The following KAT7 variants were observed in gnomAD, a reference collection of about 807,000 sequenced individuals.
The protein encoded by KAT7 is lysine acetyltransferase 7.
KAT7 carries 10 observed loss-of-function variants against 82.1 expected under a neutral mutation model. That is an observed-to-expected ratio of 0.12 (90% CI 0.08 to 0.21). KAT7 has a LOEUF of 0.21. KAT7 is among the 10% of genes least tolerant of loss of function. KAT7 has a pLI of 1.00. For missense variants in KAT7, 378 were observed against 760.9 expected, an observed-to-expected ratio of 0.50 and a Z score of 5.92; for synonymous variants, 250 against 262.5, an observed-to-expected ratio of 0.95 and a Z score of 0.46.
chr17:49,833,731 A>G lies in KAT7; in HGVS notation c.*6229A>G, dbSNP rs772623025. 6.6e-6 allele frequency: 1 copy of G among 152,280 alleles called. No individual in the cohort carries two copies. Among genetic ancestry groups the G allele is most frequent in the Non-Finnish European group, 1.5e-5 (1 of 68,066 alleles). The allele number at this position is 152,280 out of a possible 1,614,324, so 9.4% of individuals were successfully genotyped here. A position where few individuals can be genotyped will look rare whatever the true frequency, so the allele number is the denominator to read the frequency against. ...CAGACTCCCAGCTGAACGCACCCTC[A>G]TGAGTGGCCCTTGCTGGTACCACAT... On this transcript the variant is annotated 3_prime_UTR_variant, in exon 15 of 15. Coordinates refer to ENST00000259021, the MANE Select transcript of KAT7 (RefSeq NM_007067.5).
intron 9 of KAT7, among the ~76,000 whole-genome samples, chr17:49,819,035 C>A (rs749377573): frequency 2.6e-5 from 4 of 152,172 alleles, no homozygotes; most frequent in Non-Finnish European, 5.9e-5. Context: ...CTGTGCCCAG[C>A]CCTTGTTCTC....
At position 49,798,578 on chromosome 17, in the gene KAT7, A is replaced by G. The variant is rs1321200483; in HGVS notation, c.580+20A>G. The G allele has an allele frequency of 2.5e-6, 4 of 1,580,062 alleles. No homozygotes were observed. Among genetic ancestry groups the G allele is most frequent in the South Asian group, 2.3e-5 (2 of 87,660 alleles). ...CTCTAGGTCAGTGTGCCCTAGCTTC[A>G]TGACATCCTTTGTTCTGTGGTTCTC... On this transcript the variant is annotated intron_variant, in intron 4 of 14. Transcript: ENST00000259021.
chr17:49,806,535 A>G (rs559774751), intron 5 of KAT7, among the ~76,000 whole-genome samples: 75 of 152,194 alleles, frequency 4.9e-4, no homozygotes, highest in Non-Finnish European at 1.0e-3. Context: ...AGCTGTGCCC[A>G]CATCTATGTC....
chr17:49,811,411 C>T, intron 6 of KAT7, 65 bp from the exon 7 acceptor site: 2 of 840,834 alleles, frequency 2.4e-6, no homozygotes, highest in Non-Finnish European at 3.7e-6. Context: ...CGGGCCTTGG[C>T]ACTTTCATTT....
chr17:49,798,555 C>A lies in KAT7; in HGVS notation c.577C>A (p.Leu193Ile), dbSNP rs778569627. The A allele has an allele frequency of 6.2e-7, 1 of 1,602,430 alleles. No homozygotes were observed. Among genetic ancestry groups the A allele is most frequent in the Non-Finnish European group, 8.5e-7 (1 of 1,170,866 alleles). ...GTGTCCTACACCAGGCTGTAACTCT[C>A]TAGGTCAGTGTGCCCTAGCTTCATG... ...MKCPTPGCNSLGHLTGKHERH... is the reference protein window; with the variant it reads ...MKCPTPGCNSIGHLTGKHERH... The change falls in exon 4 of 15, where the codon CTA becomes ATA. Residue 193 changes from leucine (L) to isoleucine (I), a missense_variant. Physicochemically the swap from Leu to Ile is conservative, Grantham distance 5. Around this residue, in one of 6 missense-constraint regions of KAT7, gnomAD observed 14 missense variants for 58.2 expected, o/e 0.24. Transcript: ENST00000259021.
At chr17:49,802,286 A>G (rs191738056) in intron 4 of KAT7, among the ~76,000 whole-genome samples, 74 of 152,324 alleles carry the variant, frequency 4.9e-4, no homozygotes, top group Non-Finnish European at 1.9e-4. Flanking sequence ...TTTTAGGTCA[A>G]TAGATCAGCT....
rs1422324755 is a variant in KAT7, at chr17:49,821,918, T to G, written c.1386+128T>G. On this transcript the variant is annotated intron_variant, in intron 11 of 14. Coordinates refer to ENST00000259021, the MANE Select transcript of KAT7 (RefSeq NM_007067.5). ...CAATGATGACACCCCTTCCTTAAAT[T>G]AAAAAAAAAAAAAAGGCAAACCCAT... The G allele has an allele frequency of 1.1e-5, 7 of 634,186 alleles. No individual in the cohort carries two copies. In the East Asian group the frequency reaches 2.1e-4, roughly 19 times the overall value. The allele number at this position is 634,186 out of a possible 1,614,324, so 39.3% of individuals were successfully genotyped here. A position where few individuals can be genotyped will look rare whatever the true frequency, so the allele number is the denominator to read the frequency against.
In KAT7 at chr17:49,796,997, G is replaced by C. The variant is rs191629861; in HGVS notation, c.340+71G>C. The C allele has an allele frequency of 2.2e-3, 2,851 of 1,317,482 alleles. 16 individuals are homozygous for C. The highest frequency in any genetic ancestry group is 2.1e-3 in the Non-Finnish European group (1,978 of 924,524). The allele number at this position is 1,317,482 out of a possible 1,614,324, so 81.6% of individuals were successfully genotyped here. On this transcript the variant is annotated intron_variant, in intron 3 of 14. Transcript: ENST00000259021. Reference sequence around the variant, plus strand: ...TGAAATTCTTTTTAAGGAGGGCTTGGGGCCACTGCAGGTAGATGCCTAATA... The same window carrying C: ...TGAAATTCTTTTTAAGGAGGGCTTGCGGCCACTGCAGGTAGATGCCTAATA...
intron 4 of KAT7, among the ~76,000 whole-genome samples, chr17:49,804,318 G>A (rs1057017350): frequency 6.6e-6 from 1 of 151,744 alleles, no homozygotes; most frequent in Admixed American, 6.6e-5. Flanking sequence ...GGCGGAACTT[G>A]CAGTGAGCCG....
intron 11 of KAT7, among the ~76,000 whole-genome samples, chr17:49,822,655 T>G (rs570884293): frequency 1.3e-5 from 2 of 152,318 alleles, no homozygotes; most frequent in South Asian, 4.1e-4. Flanking sequence ...AGTTGTGCAA[T>G]CAACCCAGTT....
intron 4 of KAT7, among the ~76,000 whole-genome samples, chr17:49,804,260 T>G (rs1440401228): frequency 6.6e-6 from 1 of 151,780 alleles, no homozygotes; most frequent in Non-Finnish European, 1.5e-5. Flanking sequence ...GCGCCTGTAG[T>G]CCCAGCTACT....
In KAT7 at chr17:49,792,037, A is replaced by G. The variant is rs1206848584; in HGVS notation, c.163+4A>G. The stretch of plus-strand genomic sequence containing the variant: ...AGGCTAAGCCAGAGTTCTCAAGGTA[A>G]AAAAACCTTCATTTTTCCTTACCAC... On this transcript the variant is annotated splice_donor_region_variant and intron_variant, in intron 2 of 14. Coordinates refer to ENST00000259021, the MANE Select transcript of KAT7 (RefSeq NM_007067.5). The G allele has an allele frequency of 6.2e-7, 1 of 1,612,988 alleles. No individual in the cohort carries two copies. The highest frequency in any genetic ancestry group is 8.5e-7 in the Non-Finnish European group (1 of 1,179,268).
chr17:49,809,893 T>C (rs1451387422), intron 6 of KAT7, among the ~76,000 whole-genome samples: 3 of 152,240 alleles, frequency 2.0e-5, no homozygotes, highest in Non-Finnish European at 4.4e-5. Context: ...TGTATTCCCA[T>C]TGTAGTGCTC....
At chr17:49,798,654 T>G in intron 4 of KAT7, 96 bp downstream of exon 4, 1 of 1,331,598 alleles carries the variant, frequency 7.5e-7, no homozygotes, top group Non-Finnish European at 1.0e-6. Flanking sequence ...ATTTAGCTTC[T>G]TAGGCTCTTC....
chr17:49,813,112 C>T (rs1419557094), intron 7 of KAT7, among the ~76,000 whole-genome samples: 3 of 145,460 alleles, frequency 2.1e-5, no homozygotes, highest in African/African-American at 7.7e-5. Flanking sequence ...ATTTAGGCTT[C>T]TAATGATCTT....
Position 49,818,608 on chromosome 17 carries a change from A to C in KAT7, c.1155+597A>C, listed in dbSNP as rs1157559424. 2.6e-5 allele frequency among the ~76,000 whole-genome samples: 4 copies of C among 151,522 alleles called. No homozygotes were observed. The East Asian group carries it at 7.7e-4, about 29-fold the overall frequency. On this transcript the variant is annotated intron_variant, in intron 9 of 14. Transcript: ENST00000259021. Reference sequence around the variant, plus strand: ...GGTTTACTAGATTTTTTGCAGCTTCAAAAAAAAAGCCATTTTTCCCCCGCT... The same window carrying C: ...GGTTTACTAGATTTTTTGCAGCTTCCAAAAAAAAGCCATTTTTCCCCCGCT...
At chr17:49,788,937 G>A (rs192039125) in intron 1 of KAT7, 88 bp downstream of exon 1, 15 of 1,272,960 alleles carry the variant, frequency 1.2e-5, no homozygotes, top group Admixed American at 2.8e-5. Context: ...ACAGTGCTTG[G>A]GTCCCAACTT....
Position 49,809,115 on chromosome 17 carries a change from G to C in KAT7, c.664-4G>C. The C allele has an allele frequency of 6.2e-7, 1 of 1,612,994 alleles. No individual in the cohort carries two copies. Among genetic ancestry groups the C allele is most frequent in the Middle Eastern group, 1.6e-4 (1 of 6,062 alleles). On this transcript the variant is annotated splice_region_variant and splice_polypyrimidine_tract_variant and intron_variant, in intron 5 of 14. Coordinates refer to ENST00000259021, the MANE Select transcript of KAT7 (RefSeq NM_007067.5). ...GGATTTATTGACGTTGTTGATGGTT[G>C]CAGGTGAGAGCACAGAGCCGGGATA...
chr17:49,804,596 A>T (rs2074068348), intron 4 of KAT7, among the ~76,000 whole-genome samples: 1 of 151,956 alleles, frequency 6.6e-6, no homozygotes, highest in South Asian at 2.1e-4. Flanking sequence ...GGCAACACTG[A>T]GACCCGTTTC....
Sources: gnomAD v4.1 joint callset for allele counts (sites outside exome capture counted in the v4.1 genomes callset) on GRCh38, gnomAD v4.1.1 for gene constraint, gnomAD v4.1.1 regional missense constraint, MANE v1.5 for transcripts, NCBI Gene and HGNC (gene_info 2026-07-23, HGNC 2026-07-21) for gene names.